ZNF385D: variants seen among roughly 807,000 people sequenced by gnomAD.
ZNF385D encodes zinc finger protein 659.
Under a neutral mutation model 35.8 loss-of-function variants are expected in ZNF385D, and 15 were observed. That is an observed-to-expected ratio of 0.42 (90% CI 0.28 to 0.64). ZNF385D has a LOEUF of 0.64. Among genes scored for constraint, ZNF385D ranks in the 30% least tolerant of loss-of-function variants. The pLI is 0.23. For missense variants in ZNF385D, 474 were observed against 494.6 expected, an observed-to-expected ratio of 0.96 and a Z score of 0.39; for synonymous variants, 212 against 186.8, an observed-to-expected ratio of 1.13 and a Z score of -1.10.
At chr3:22,025,272 C>G (rs955084198) in intron 3 of ZNF385D, among the ~76,000 whole-genome samples, 1 of 152,144 alleles carries the variant, frequency 6.6e-6, no homozygotes, top group East Asian at 1.9e-4. Flanking sequence ...TGATGGCCTC[C>G]CCTGAGGCAG....
Position 22,050,199 on chromosome 3 carries a change from A to T in ZNF385D, c.325+118618T>A, listed in dbSNP as rs190775940. Among the ~76,000 whole-genome samples the T allele has an allele frequency of 6.5e-3, 901 of 139,276 alleles. 12 individuals are homozygous for T. Among genetic ancestry groups the T allele is most frequent in the East Asian group, 0.055 (269 of 4,904 alleles). The allele number at this position is 139,276 out of a possible 152,430, so 91.4% of individuals were successfully genotyped here. A position where few individuals can be genotyped will look rare whatever the true frequency, so the allele number is the denominator to read the frequency against. On this transcript the variant is annotated intron_variant, in intron 3 of 5. Coordinates refer to the ZNF385D transcript ENST00000494108. Reference sequence around the variant, plus strand: ...TGGGCAAAAAAGGAAGATTGGGTTTAAAAAAAAAAAAAAGCAGCTCTCTGT... The same window carrying T: ...TGGGCAAAAAAGGAAGATTGGGTTTTAAAAAAAAAAAAAGCAGCTCTCTGT...
intron 2 of ZNF385D, among the ~76,000 whole-genome samples, chr3:22,186,867 T>C (rs1348714529): frequency 6.6e-6 from 1 of 152,214 alleles, no homozygotes; most frequent in Non-Finnish European, 1.5e-5. Context: ...GTATTTTTAG[T>C]GTTTGTTTAT....
At position 21,724,774 on chromosome 3, in the gene ZNF385D, C is replaced by T. The variant is rs1003351236; in HGVS notation, c.22+26121G>A. Among the ~76,000 whole-genome samples, 8 of 152,128 alleles carry T rather than the reference C, an allele frequency of 5.3e-5. No homozygotes were observed. In the South Asian group the frequency reaches 1.7e-3, roughly 32 times the overall value. ...CCACTGTCAATATTAGACAGATCAACAAGACAGAAAGTTAACAAGGATATT... is the reference window on the plus strand; with the variant it reads ...CCACTGTCAATATTAGACAGATCAATAAGACAGAAAGTTAACAAGGATATT... On this transcript the variant is annotated intron_variant, in intron 1 of 7. Transcript: ENST00000281523.
intron 3 of ZNF385D, among the ~76,000 whole-genome samples, chr3:21,971,360 ACTTG>A (rs1703245736): frequency 6.6e-6 from 1 of 152,034 alleles, no homozygotes; most frequent in Admixed American, 6.6e-5. Context: ...TTTTCAATTT[ACTTG>A]CTTGTTTTTT....
chr3:21,949,303 T>C (rs1297681832), intron 3 of ZNF385D, among the ~76,000 whole-genome samples: 1 of 152,214 alleles, frequency 6.6e-6, no homozygotes, highest in Non-Finnish European at 1.5e-5. Context: ...AGTGTTTGTG[T>C]CTGTGTGTGC....
chr3:21,548,592 C>G (rs1161164481), intron 3 of ZNF385D, among the ~76,000 whole-genome samples: 1 of 152,164 alleles, frequency 6.6e-6, no homozygotes, highest in Non-Finnish European at 1.5e-5. Context: ...TCCATACTTA[C>G]GGTATTAGTA....
chr3:21,795,784 C>T (rs1339107987), intron 3 of ZNF385D, among the ~76,000 whole-genome samples: 1 of 152,164 alleles, frequency 6.6e-6, no homozygotes, highest in African/African-American at 2.4e-5. Context: ...AATGCCACTT[C>T]AGATTATAGG....
intron 1 of ZNF385D, among the ~76,000 whole-genome samples, chr3:21,731,287 G>A (rs970212179): frequency 6.6e-6 from 1 of 151,938 alleles, no homozygotes; most frequent in African/African-American, 2.4e-5. Flanking sequence ...CATTTTCATT[G>A]GCAATGCATA....
intron 3 of ZNF385D, among the ~76,000 whole-genome samples, chr3:22,064,847 A>C (rs1013825284): frequency 2.0e-5 from 3 of 152,236 alleles, no homozygotes; most frequent in African/African-American, 7.2e-5. Flanking sequence ...GAGGAGGAAG[A>C]ATCTTTAGTG....
chr3:22,182,008 G>C (rs12487587), intron 2 of ZNF385D, among the ~76,000 whole-genome samples: 29,757 of 151,978 alleles, frequency 0.2, 3,009 homozygotes, highest in African/African-American at 0.21. Context: ...GAGTGAGGAG[G>C]TGGTTCCTTC....
At chr3:21,625,656 A>G (rs1263518327) in intron 2 of ZNF385D, among the ~76,000 whole-genome samples, 1 of 152,080 alleles carries the variant, frequency 6.6e-6, no homozygotes, top group Non-Finnish European at 1.5e-5. Flanking sequence ...CATTTTGATG[A>G]CTGGTTGAGA....
intron 3 of ZNF385D, among the ~76,000 whole-genome samples, chr3:21,833,687 A>C (rs192963564): frequency 1.3e-5 from 2 of 152,272 alleles, no homozygotes; most frequent in East Asian, 3.9e-4. Flanking sequence ...TAATTTAGAA[A>C]ATCAGGCTTA....
chr3:22,220,238 G>A (rs1007318142), intron 2 of ZNF385D, among the ~76,000 whole-genome samples: 9 of 151,604 alleles, frequency 5.9e-5, no homozygotes, highest in Non-Finnish European at 8.8e-5. Flanking sequence ...TAATGATTTC[G>A]AGTTTTCATA....
intron 3 of ZNF385D, among the ~76,000 whole-genome samples, chr3:21,866,778 G>A (rs560814865): frequency 2.7e-4 from 41 of 152,176 alleles, no homozygotes; most frequent in Admixed American, 5.9e-4. Context: ...ATTTAATGCC[G>A]TGCTTTTATC....
At chr3:21,798,362 A>G (rs1575668280) in intron 3 of ZNF385D, among the ~76,000 whole-genome samples, 1 of 152,140 alleles carries the variant, frequency 6.6e-6, no homozygotes, top group African/African-American at 2.4e-5. Context: ...GCATCATTCA[A>G]ATCCAGAGGT....
At chr3:22,097,615 G>C (rs569835245) in intron 3 of ZNF385D, among the ~76,000 whole-genome samples, 88 of 152,050 alleles carry the variant, frequency 5.8e-4, no homozygotes, top group Non-Finnish European at 1.1e-3. Context: ...TGAGAAATGA[G>C]AGAACAAGGA....
At chr3:22,134,758 T>G (rs1704005114) in intron 3 of ZNF385D, among the ~76,000 whole-genome samples, 1 of 152,098 alleles carries the variant, frequency 6.6e-6, no homozygotes, top group South Asian at 2.1e-4. Flanking sequence ...GGCAAGGGCC[T>G]CCCTGTTGCT....
chr3:22,003,677 G>C (rs1489359173), intron 3 of ZNF385D, among the ~76,000 whole-genome samples: 2 of 152,028 alleles, frequency 1.3e-5, no homozygotes, highest in African/African-American at 4.8e-5. Flanking sequence ...GACCAGCTGG[G>C]CCAACATGAT....
At chr3:21,951,428 A>G (rs558791339) in intron 3 of ZNF385D, among the ~76,000 whole-genome samples, 62 of 151,826 alleles carry the variant, frequency 4.1e-4, no homozygotes, top group Middle Eastern at 3.4e-3. Flanking sequence ...GCTGCTTATC[A>G]GCTTAAGGAG....
Sources: allele counts gnomAD v4.1 joint callset (sites outside exome capture counted in the v4.1 genomes callset), GRCh38; gene constraint gnomAD v4.1.1; transcripts MANE v1.5; gene names NCBI Gene and HGNC (gene_info 2026-07-23, HGNC 2026-07-21).